Variants in PAPSS1 observed in about 807,000 individuals in gnomAD.
PAPSS1 encodes the protein 3'-phosphoadenosine 5'-phosphosulfate synthase 1.
In PAPSS1, 50 loss-of-function variants were observed where a neutral mutation model predicts 72.0. The observed-to-expected ratio is 0.69, with a 90% CI of 0.55 to 0.88. The LOEUF (loss-of-function observed/expected upper bound fraction) is 0.88. PAPSS1 is among the 40% of genes least tolerant of loss of function. The pLI is 0.00. For missense variants in PAPSS1, 657 were observed against 782.2 expected (o/e 0.84, Z 1.91); for synonymous variants, 261 against 263.6 (o/e 0.99, Z 0.09).
chr4:107,673,305 A>C (rs1294246563), intron 5 of PAPSS1, among the ~76,000 whole-genome samples: 2 of 152,140 alleles, frequency 1.3e-5, no homozygotes, highest in African/African-American at 4.8e-5. Context: ...AGAAGTTAAA[A>C]ACCTTGAAAA....
intron 11 of PAPSS1, among the ~76,000 whole-genome samples, chr4:107,625,034 G>A (rs567899186): frequency 8.5e-5 from 13 of 152,298 alleles, no homozygotes; most frequent in Admixed American, 3.3e-4. Context: ...TATATAGTGC[G>A]AATAAGAAGT....
chr4:107,711,703 G>C (rs545113290), intron 1 of PAPSS1, among the ~76,000 whole-genome samples: 76 of 152,250 alleles, frequency 5.0e-4, no homozygotes, highest in South Asian at 1.9e-3. Context: ...TGTAGAGATC[G>C]TAACAATATG....
At chr4:107,626,706 C>T (rs1007138971) in intron 11 of PAPSS1, among the ~76,000 whole-genome samples, 13 of 152,120 alleles carry the variant, frequency 8.5e-5, no homozygotes, top group Non-Finnish European at 1.3e-4. Flanking sequence ...TAAAACCTGG[C>T]GCTGAGTAAC....
At chr4:107,683,831 T>TA (rs1722698682) in intron 4 of PAPSS1, among the ~76,000 whole-genome samples, 1 of 152,140 alleles carries the variant, frequency 6.6e-6, no homozygotes, top group Non-Finnish European at 1.5e-5. Context: ...TATATACCAT[T>TA]ACAGCTTTGA....
intron 10 of PAPSS1, among the ~76,000 whole-genome samples, chr4:107,633,869 A>G (rs1031942907): frequency 2.7e-5 from 4 of 148,150 alleles, no homozygotes; most frequent in African/African-American, 9.9e-5. Flanking sequence ...CAGTGAGCTG[A>G]GATAGCACCA....
Position 107,709,827 on chromosome 4 carries a change from C to T in PAPSS1, c.61-8542G>A, listed in dbSNP as rs543436672. Reference sequence around the variant, plus strand: ...CAAACTATCCTTAAAAAACTCTGGCCTCTAAATTTTGAGGAAGGCTGATTT... The same window carrying T: ...CAAACTATCCTTAAAAAACTCTGGCTTCTAAATTTTGAGGAAGGCTGATTT... On this transcript the variant is annotated intron_variant, in intron 1 of 11. Transcript: ENST00000265174. Among the ~76,000 whole-genome samples the T allele has an allele frequency of 2.0e-5, 3 of 152,280 alleles. No individual in the cohort carries two copies. In the East Asian group the frequency reaches 5.8e-4, roughly 29 times the overall value.
intron 5 of PAPSS1, 149 bp from the exon 6 acceptor site, chr4:107,660,221 T>A: frequency 1.8e-6 from 1 of 547,344 alleles, no homozygotes; most frequent in Non-Finnish European, 3.2e-6. Context: ...CAACCAATAC[T>A]CTCAAGCAGA....
chr4:107,683,179 C>T (rs1055236509), intron 4 of PAPSS1, among the ~76,000 whole-genome samples: 1 of 151,992 alleles, frequency 6.6e-6, no homozygotes, highest in Non-Finnish European at 1.5e-5. Context: ...AAAATCATTA[C>T]CATTAATATT....
At chr4:107,710,396 T>G (rs979940084) in intron 1 of PAPSS1, among the ~76,000 whole-genome samples, 1 of 152,240 alleles carries the variant, frequency 6.6e-6, no homozygotes, top group Non-Finnish European at 1.5e-5. Flanking sequence ...CATATCATTC[T>G]TTTGTTATTT....
At chr4:107,616,114 A>G (rs1725817017) in intron 11 of PAPSS1, among the ~76,000 whole-genome samples, 1 of 152,144 alleles carries the variant, frequency 6.6e-6, no homozygotes, top group African/African-American at 2.4e-5. Context: ...GTGTGCACAT[A>G]AAGAAATATG....
intron 3 of PAPSS1, among the ~76,000 whole-genome samples, chr4:107,687,719 C>T (rs1447424812): frequency 1.3e-5 from 2 of 152,200 alleles, no homozygotes; most frequent in East Asian, 1.9e-4. Flanking sequence ...GCCCTCTCCA[C>T]TCTGTCCTTT....
chr4:107,676,854 A>G (rs1264488341), intron 5 of PAPSS1, among the ~76,000 whole-genome samples: 7 of 152,232 alleles, frequency 4.6e-5, no homozygotes, highest in African/African-American at 1.7e-4. Flanking sequence ...CCAATGGAAC[A>G]GAACAGAGCC....
chr4:107,674,702 C>T (rs1727588677), intron 5 of PAPSS1, among the ~76,000 whole-genome samples: 1 of 152,046 alleles, frequency 6.6e-6, no homozygotes, highest in Non-Finnish European at 1.5e-5. Context: ...ATCTACAGAA[C>T]TCTCCACCCC....
intron 6 of PAPSS1, among the ~76,000 whole-genome samples, chr4:107,657,572 A>C (rs1727053070): frequency 6.6e-6 from 1 of 152,016 alleles, no homozygotes. Context: ...AAATACAAAA[A>C]ATTAGCCAGA....
chr4:107,710,344 G>GT (rs1482525664), intron 1 of PAPSS1, among the ~76,000 whole-genome samples: 4 of 152,278 alleles, frequency 2.6e-5, no homozygotes, highest in South Asian at 2.1e-4. Flanking sequence ...CTGGCTCAGT[G>GT]TAAGTATGTG....
intron 2 of PAPSS1, among the ~76,000 whole-genome samples, chr4:107,699,636 C>G (rs1365608102): frequency 2.0e-5 from 3 of 152,106 alleles, no homozygotes; most frequent in African/African-American, 7.2e-5. Flanking sequence ...CTCTATTTCC[C>G]TGTATTTTTA....
In PAPSS1 at chr4:107,644,809, G is replaced by A; in HGVS notation, c.1499C>T (p.Pro500Leu). The A allele has an allele frequency of 6.2e-7, 1 of 1,609,960 alleles. No homozygotes were observed. Among genetic ancestry groups the A allele is most frequent in the Non-Finnish European group, 8.5e-7 (1 of 1,178,412 alleles). The part of the protein sequence containing the change: ...IFPSPMMYAG[P>L]TEVQWHCRAR... ...ATCTTACAAGCAGTCTACCTCAGTTGGTCCAGCATACATCATGGGAGATGG... is the reference window on the plus strand; with the variant it reads ...ATCTTACAAGCAGTCTACCTCAGTTAGTCCAGCATACATCATGGGAGATGG... Residue 500 changes from proline (P) to leucine (L), a missense_variant, in exon 10 of 12, where the codon CCA becomes CTA. Physicochemically the swap from Pro to Leu is moderately conservative, Grantham distance 98. This residue lies in a region of PAPSS1 where 166 missense variants were observed against 228.3 expected (regional missense o/e 0.73). Coordinates refer to ENST00000265174, the MANE Select transcript of PAPSS1 (RefSeq NM_005443.5).
At chr4:107,635,093 T>C (rs892487827) in intron 10 of PAPSS1, among the ~76,000 whole-genome samples, 2 of 152,198 alleles carry the variant, frequency 1.3e-5, no homozygotes, top group Admixed American at 6.5e-5. Flanking sequence ...CCACCGCGCT[T>C]GGCCTATTCT....
chr4:107,634,577 T>A (rs1431590951), intron 10 of PAPSS1, among the ~76,000 whole-genome samples: 1 of 152,118 alleles, frequency 6.6e-6, no homozygotes, highest in African/African-American at 2.4e-5. Flanking sequence ...TATCTACACA[T>A]CATTTAAAAT....
Sources: gnomAD v4.1 joint callset for allele counts (sites outside exome capture counted in the v4.1 genomes callset) on GRCh38, gnomAD v4.1.1 for gene constraint, gnomAD v4.1.1 regional missense constraint, MANE v1.5 for transcripts, NCBI Gene and HGNC (gene_info 2026-07-23, HGNC 2026-07-21) for gene names.